Variants in FBXW12 observed in about 807,000 individuals in gnomAD.
FBXW12 encodes the protein F-box and WD repeat domain containing 12, also known as F-box/WD repeat-containing protein 12.
In FBXW12, 43 loss-of-function variants were observed where a neutral mutation model predicts 55.3. That is an observed-to-expected ratio of 0.78 (90% CI 0.61 to 1.00). FBXW12 has a LOEUF of 1.00. Among genes scored for constraint, FBXW12 ranks in the 50% least tolerant of loss-of-function variants. The pLI, the probability that FBXW12 is intolerant of heterozygous loss-of-function variation, is 0.00. For missense variants in FBXW12, 524 were observed against 560.5 expected (o/e 0.93, Z 0.66); for synonymous variants, 184 against 203.8 (o/e 0.90, Z 0.83).
In FBXW12 at chr3:48,381,944, A is replaced by G. The variant is rs758638348; in HGVS notation, c.1165-11A>G. 7 of 1,614,000 alleles carry G rather than the reference A, an allele frequency of 4.3e-6. No homozygotes were observed. The highest frequency in any genetic ancestry group is 4.0e-5 in the African/African-American group (3 of 74,898). On this transcript the variant is annotated splice_polypyrimidine_tract_variant and intron_variant, in intron 9 of 10. Coordinates refer to ENST00000296438, the MANE Select transcript of FBXW12 (RefSeq NM_207102.2). ...GACTCCTTGGCCACTCACTCTGGCT[A>G]TCCTTGGAAGGATCCTTGCTATGTG...
chr3:48,376,690 A>G (rs1231565386), intron 5 of FBXW12, among the ~76,000 whole-genome samples: 1 of 152,230 alleles, frequency 6.6e-6, no homozygotes, highest in Non-Finnish European at 1.5e-5. Context: ...GAAGCAGACT[A>G]CCAAAAACAA....
intron 10 of FBXW12, among the ~76,000 whole-genome samples, chr3:48,390,743 T>C (rs1331040646): frequency 6.6e-6 from 1 of 152,062 alleles, no homozygotes; most frequent in East Asian, 1.9e-4. Context: ...GTTTTGTAGT[T>C]CTCCTTGTAG....
At chr3:48,393,803 G>C (rs1303290251) in intron 10 of FBXW12, among the ~76,000 whole-genome samples, 4 of 147,992 alleles carry the variant, frequency 2.7e-5, no homozygotes, top group African/African-American at 1.0e-4. Context: ...TTTTGAGATG[G>C]AATATTGCTG....
At chr3:48,382,317 A>G (rs2036789332) in intron 10 of FBXW12, among the ~76,000 whole-genome samples, 2 of 152,102 alleles carry the variant, frequency 1.3e-5, no homozygotes, top group Non-Finnish European at 2.9e-5. Context: ...GGGTTTCCCC[A>G]TGTTGGCCAG....
At chr3:48,389,129 C>G (rs6804774) in intron 10 of FBXW12, among the ~76,000 whole-genome samples, 91,205 of 151,942 alleles carry the variant, frequency 0.6, 27,472 homozygotes, top group South Asian at 0.68. Context: ...GGTGGCTCAT[C>G]CCTGTAATCC....
chr3:48,391,197 T>A (rs1008044042), intron 10 of FBXW12, among the ~76,000 whole-genome samples: 3 of 149,552 alleles, frequency 2.0e-5, no homozygotes, highest in African/African-American at 7.4e-5. Context: ...GATGTGAAGA[T>A]CACTTGAGCC....
intron 8 of FBXW12, 72 bp from the exon 9 acceptor site, chr3:48,381,628 T>C: frequency 6.9e-7 from 1 of 1,449,904 alleles, no homozygotes; most frequent in Non-Finnish European, 9.2e-7. Flanking sequence ...GTGAGGATAT[T>C]ATTATTCAAT....
intron 7 of FBXW12, chr3:48,379,909 G>C (rs574380551): frequency 4.2e-4 from 106 of 251,024 alleles, no homozygotes; most frequent in Non-Finnish European, 7.0e-4. Context: ...GAGCCCAGGA[G>C]TTCCAGGCCA....
Position 48,372,812 on chromosome 3 carries a change from T to C in FBXW12, c.45T>C (p.Ser15=), listed in dbSNP as rs2107149453. 2 of 1,614,202 alleles carry C rather than the reference T, an allele frequency of 1.2e-6. No homozygotes were observed. Among genetic ancestry groups the C allele is most frequent in the East Asian group, 2.2e-5 (1 of 44,888 alleles). The stretch of plus-strand genomic sequence containing the variant: ...ACTTAGCTTTGAAGCGAATCTTCTC[T>C]TTCCTGGACCTGTTCGGCTTGCTGC... ...LPDLALKRIF[S]FLDLFGLLQV... Residue 15 remains serine, a synonymous_variant, in exon 2 of 11, where the codon TCT becomes TCC. Coordinates refer to ENST00000296438, the MANE Select transcript of FBXW12 (RefSeq NM_207102.2).
intron 10 of FBXW12, among the ~76,000 whole-genome samples, chr3:48,384,186 G>A (rs1471902280): frequency 6.6e-6 from 1 of 152,138 alleles, no homozygotes; most frequent in Non-Finnish European, 1.5e-5. Context: ...GAACCTGAAT[G>A]TCTCTTACTG....
Position 48,372,715 on chromosome 3 carries a change from A to C in FBXW12, c.-53A>C. On this transcript the variant is annotated 5_prime_UTR_variant, in exon 2 of 11. Transcript: ENST00000296438. ...AGACTTTGGCAAAGCCTATAAATTCAGAGCAGCCCGGAGAGGAGAAAGGAA... is the reference window on the plus strand; with the variant it reads ...AGACTTTGGCAAAGCCTATAAATTCCGAGCAGCCCGGAGAGGAGAAAGGAA... 6.2e-7 allele frequency: 1 copy of C among 1,613,782 alleles called. No individual in the cohort carries two copies. Among genetic ancestry groups the C allele is most frequent in the Admixed American group, 1.7e-5 (1 of 60,018 alleles).
intron 10 of FBXW12, among the ~76,000 whole-genome samples, chr3:48,387,025 C>T (rs1340252118): frequency 6.6e-6 from 1 of 151,706 alleles, no homozygotes; most frequent in Non-Finnish European, 1.5e-5. Flanking sequence ...GCAACCTCCA[C>T]CTCCTGGGTT....
At chr3:48,373,447 C>T (rs551370629) in intron 3 of FBXW12, 101 bp from the exon 4 acceptor site, 5 of 1,606,692 alleles carry the variant, frequency 3.1e-6, no homozygotes, top group Non-Finnish European at 3.4e-6. Context: ...GTGAGATATA[C>T]ACAGGAAAGT....
In FBXW12 at chr3:48,379,470, C is replaced by A. The variant is rs1240613071; in HGVS notation, c.686C>A (p.Ala229Glu). 6.2e-7 allele frequency: 1 copy of A among 1,613,688 alleles called. No homozygotes were observed. The highest frequency in any genetic ancestry group is 1.3e-5 in the African/African-American group (1 of 74,930). ...PGLRDVSKVT[A>E]FQYGIVLLHC... ...TTAAGAGATGTTTCTAAAGTTACTGCATTTCAATATGGTATTGTACTTCTA... is the reference window on the plus strand; with the variant it reads ...TTAAGAGATGTTTCTAAAGTTACTGAATTTCAATATGGTATTGTACTTCTA... The change falls in exon 7 of 11, where the codon GCA becomes GAA. Residue 229 changes from alanine to glutamate, a missense_variant. Ala to Glu is a moderately radical substitution (Grantham distance 107). Coordinates refer to ENST00000296438, the MANE Select transcript of FBXW12 (RefSeq NM_207102.2).
At chr3:48,386,697 C>G (rs2036852757) in intron 10 of FBXW12, among the ~76,000 whole-genome samples, 1 of 152,108 alleles carries the variant, frequency 6.6e-6, no homozygotes, top group Non-Finnish European at 1.5e-5. Flanking sequence ...ACATCTTTTA[C>G]CGCCTTGGTT....
In FBXW12 at chr3:48,381,700, C is replaced by T; in HGVS notation, c.986C>T (p.Ala329Val). Residue 329 changes from alanine to valine, a missense_variant and splice_region_variant, in exon 9 of 11, where the codon GCA becomes GTA. Transcript: ENST00000296438. ...ATATGTGCGTTTTACATGAAAACAG[C>T]ATATGAGATCGCAAGTTTCCAGGTG... Reference protein sequence around the residue: ...KKTGGQTVIQAYEIASFQVAA... With the variant: ...KKTGGQTVIQVYEIASFQVAA... 6.4e-7 allele frequency: 1 copy of T among 1,566,488 alleles called. No homozygotes were observed. The highest frequency in any genetic ancestry group is 8.6e-7 in the Non-Finnish European group (1 of 1,157,158).
intron 10 of FBXW12, among the ~76,000 whole-genome samples, chr3:48,385,338 TTGTG>T (rs60689779): frequency 0.041 from 6,111 of 148,936 alleles, 290 homozygotes; most frequent in African/African-American, 0.11. Context: ...TGGTATTCCA[TTGTG>T]TGTGTGTGTG....
chr3:48,377,812 T>C (rs1477539377), intron 5 of FBXW12, among the ~76,000 whole-genome samples: 6 of 152,252 alleles, frequency 3.9e-5, no homozygotes, highest in African/African-American at 9.6e-5. Context: ...TCGTGCTCTT[T>C]TCTTATATGA....
intron 8 of FBXW12, 109 bp downstream of exon 8, chr3:48,381,021 A>ATTT: frequency 1.9e-5 from 12 of 631,318 alleles, no homozygotes; most frequent in Non-Finnish European, 3.0e-5. Context: ...GGGGATTTCT[A>ATTT]GTTTTTTTTT....
Sources: allele counts gnomAD v4.1 joint callset (sites outside exome capture counted in the v4.1 genomes callset), GRCh38; gene constraint gnomAD v4.1.1; transcripts MANE v1.5; gene names NCBI Gene and HGNC (gene_info 2026-07-23, HGNC 2026-07-21).